Variants in AR observed in about 807,000 individuals in gnomAD.
The protein encoded by AR is androgen receptor, also known as dihydrotestosterone receptor.
AR carries 8 observed loss-of-function variants against 53.9 expected under a neutral mutation model. The observed-to-expected ratio is 0.15, with a 90% CI of 0.09 to 0.27. AR has a LOEUF of 0.27. AR is among the 10% of genes least tolerant of loss of function. AR has a pLI of 1.00. For missense variants in AR, 639 were observed against 742.5 expected (o/e 0.86, Z 1.62); for synonymous variants, 359 against 316.4 (o/e 1.13, Z -1.43).
chrX:67,683,895 C>T (rs925616572), intron 2 of AR, among the ~76,000 whole-genome samples: 4 of 110,677 alleles, frequency 3.6e-5, no homozygotes, highest in African/African-American at 3.3e-5. Flanking sequence ...AAAAATCATG[C>T]TTTTCCGCTA....
chrX:67,583,811 C>T (rs376472249), intron 1 of AR, among the ~76,000 whole-genome samples: 3 of 111,929 alleles, frequency 2.7e-5, no homozygotes, highest in East Asian at 5.7e-4. Flanking sequence ...GTAGCTACAT[C>T]CTACATATGT....
At chrX:67,563,098 C>G (rs189796472) in intron 1 of AR, among the ~76,000 whole-genome samples, 1 of 111,843 alleles carries the variant, frequency 8.9e-6, no homozygotes, top group Non-Finnish European at 1.9e-5. Context: ...TTTACAGTCA[C>G]TTTTTAACAA....
At chrX:67,686,167 C>G (rs371031792) in intron 3 of AR, 41 bp downstream of exon 3, 2 of 1,141,700 alleles carry the variant, frequency 1.8e-6, no homozygotes, top group Non-Finnish European at 2.4e-6. Flanking sequence ...TTCCTCTCTC[C>G]CCCTTCTCCC....
At chrX:67,656,128 C>T (rs1332111501) in intron 2 of AR, among the ~76,000 whole-genome samples, 1 of 111,717 alleles carries the variant, frequency 9.0e-6, no homozygotes, top group Non-Finnish European at 1.9e-5. Flanking sequence ...GAGAGAACTC[C>T]AGGCTATAAG....
intron 1 of AR, among the ~76,000 whole-genome samples, chrX:67,619,020 A>G (rs1034231852): frequency 1.1e-4 from 12 of 111,774 alleles, no homozygotes; most frequent in African/African-American, 3.9e-4. Flanking sequence ...TAATAAAATT[A>G]CAGATTCTCA....
At chrX:67,691,628 C>A (rs1017273053) in intron 3 of AR, among the ~76,000 whole-genome samples, 3 of 111,739 alleles carry the variant, frequency 2.7e-5, no homozygotes, top group African/African-American at 9.8e-5. Context: ...TGGGTATAGA[C>A]AAAAACTCTA....
chrX:67,547,894 T>G (rs1047209630), intron 1 of AR, among the ~76,000 whole-genome samples: 1 of 112,115 alleles, frequency 8.9e-6, no homozygotes, highest in Non-Finnish European at 1.9e-5. Context: ...ATCGTGCTTA[T>G]TAAAAATTAT....
At chrX:67,594,193 T>C (rs1430777410) in intron 1 of AR, among the ~76,000 whole-genome samples, 1 of 111,762 alleles carries the variant, frequency 8.9e-6, no homozygotes, top group Non-Finnish European at 1.9e-5. Context: ...GGGGTCTCAC[T>C]ATGTTGCCCT....
At chrX:67,710,103 T>TTAGAG (rs1820579776) in intron 3 of AR, among the ~76,000 whole-genome samples, 2 of 107,688 alleles carry the variant, frequency 1.9e-5, no homozygotes, top group Admixed American at 1.0e-4. Context: ...TGTGTGTGTT[T>TTAGAG]AGAGAGAGAG....
rs12393203 is a variant in AR at position 67,565,709 on chromosome X, G to A, written c.1616+18947G>A. Among the ~76,000 whole-genome samples, 809 of 110,646 alleles carry A rather than the reference G, an allele frequency of 7.3e-3. 11 individuals carry two copies. The highest frequency in any genetic ancestry group is 0.026 in the African/African-American group (780 of 30,425). ...GAACCAGGATTTGGTGAATTTTTTG[G>A]GGGGTGGGAGGTACAGAGTCTCACT... On this transcript the variant is annotated intron_variant, in intron 1 of 7. Transcript: ENST00000374690.
chrX:67,629,511 A>G (rs1167665264), intron 1 of AR, among the ~76,000 whole-genome samples: 15 of 106,638 alleles, frequency 1.4e-4, no homozygotes, highest in African/African-American at 4.4e-4. Flanking sequence ...TATTGTGTCT[A>G]TTTGATTCTT....
At chrX:67,575,739 A>G (rs1364218600) in intron 1 of AR, among the ~76,000 whole-genome samples, 5 of 111,836 alleles carry the variant, frequency 4.5e-5, no homozygotes, top group African/African-American at 1.6e-4. Flanking sequence ...GAAATGTAAT[A>G]CAACAGTTTA....
intron 1 of AR, among the ~76,000 whole-genome samples, chrX:67,613,756 T>C (rs1243799749): frequency 8.9e-6 from 1 of 112,071 alleles, no homozygotes; most frequent in Non-Finnish European, 1.9e-5. Flanking sequence ...TATGCCACCC[T>C]GACCAAGGGG....
chrX:67,643,147 G>A, intron 1 of AR, 109 bp from the exon 2 acceptor site: 1 of 961,950 alleles, frequency 1.0e-6, no homozygotes, highest in East Asian at 3.1e-5. Context: ...CTTGAGCAAT[G>A]AATAATAGTC....
chrX:67,635,896 A>G (rs1224996962), intron 1 of AR, among the ~76,000 whole-genome samples: 1 of 111,560 alleles, frequency 9.0e-6, no homozygotes, highest in African/African-American at 3.3e-5. Context: ...CTTGTTCTCA[A>G]AGCAAACCTC....
intron 2 of AR, among the ~76,000 whole-genome samples, chrX:67,672,940 T>G (rs2075874959): frequency 8.9e-6 from 1 of 111,938 alleles, no homozygotes; most frequent in African/African-American, 3.2e-5. Flanking sequence ...AGGAAAAGTC[T>G]GGTGTTAATG....
At chrX:67,560,120 GC>G (rs1921231640) in intron 1 of AR, among the ~76,000 whole-genome samples, 1 of 111,351 alleles carries the variant, frequency 9.0e-6, no homozygotes, top group Admixed American at 9.5e-5. Flanking sequence ...TCAAAATATG[GC>G]AGGTCAGATG....
chrX:67,705,361 C>A (rs969810731), intron 3 of AR, among the ~76,000 whole-genome samples: 33 of 111,367 alleles, frequency 3.0e-4, no homozygotes, highest in Middle Eastern at 9.3e-3. Context: ...AGGTCCTTCA[C>A]GTCCCTTGTA....
chrX:67,668,546 G>C (rs1927378225), intron 2 of AR, among the ~76,000 whole-genome samples: 1 of 110,833 alleles, frequency 9.0e-6, no homozygotes, highest in African/African-American at 3.3e-5. Flanking sequence ...TGTCTTTTGG[G>C]TTTTGTTATC....
Sources: gnomAD v4.1 joint callset for allele counts (sites outside exome capture counted in the v4.1 genomes callset) on GRCh38, gnomAD v4.1.1 for gene constraint, MANE v1.5 for transcripts, NCBI Gene and HGNC (gene_info 2026-07-23, HGNC 2026-07-21) for gene names.